Variants in PTPRQ observed in about 807,000 individuals in gnomAD.
PTPRQ encodes the protein phosphatidylinositol phosphatase PTPRQ.
PTPRQ carries 199 observed loss-of-function variants against 246.0 expected under a neutral mutation model. The ratio of observed to expected loss-of-function variants is 0.81; its 90% CI spans 0.72 to 0.91. PTPRQ has a LOEUF of 0.91. Ranked by LOEUF, PTPRQ falls within the 40% of genes least tolerant of loss-of-function variation. PTPRQ has a pLI of 0.00. For synonymous variants in PTPRQ, 869 were observed against 853.2 expected (o/e 1.02, Z -0.32); for missense variants, 2,624 against 2,528.4 (o/e 1.04, Z -0.81).
rs141926332 is a variant in PTPRQ, at chr12:80,523,176, G to A, written c.2679-10839G>A. ...AGAGGTGTTTATAGTGTTCTCTCAT[G>A]GTAGTTTGTATTTCTGTGGGATCGG... is the stretch of plus-strand genomic sequence containing the variant. On this transcript the variant is annotated intron_variant, in intron 17 of 44. Transcript: ENST00000644991. 8.2e-3 allele frequency among the ~76,000 whole-genome samples: 1,243 copies of A among 152,198 alleles called. 15 individuals carry two copies. The highest frequency in any genetic ancestry group is 0.029 in the African/African-American group (1,184 of 41,522).
chr12:80,679,070 G>A lies in PTPRQ; in HGVS notation c.*47G>A. The A allele has an allele frequency of 1.3e-6, 2 of 1,529,406 alleles. No individual in the cohort carries two copies. The highest frequency in any genetic ancestry group is 8.8e-7 in the Non-Finnish European group (1 of 1,138,218). 94.7% of individuals were successfully genotyped at this position (1,529,406 alleles called of 1,614,324 possible). A position where few individuals can be genotyped will look rare whatever the true frequency, so the allele number is the denominator to read the frequency against. On this transcript the variant is annotated 3_prime_UTR_variant, in exon 45 of 45. Coordinates refer to ENST00000644991, the MANE Select transcript of PTPRQ (RefSeq NM_001145026.2). ...ATTGGAAGAGATTTTTAAATCCCAG[G>A]GGCCAAAGTTACCCCCTCATTCTTC...
chr12:80,541,819 A>G lies in PTPRQ; in HGVS notation c.3419A>G (p.Gln1140Arg). The G allele has an allele frequency of 6.5e-7, 1 of 1,548,228 alleles. No individual in the cohort carries two copies. The highest frequency in any genetic ancestry group is 8.7e-7 in the Non-Finnish European group (1 of 1,145,588). The change falls in exon 21 of 45, where the codon CAG becomes CGG. Residue 1140 changes from glutamine (Q) to arginine (R), a missense_variant. Transcript: ENST00000644991. ...GGATTCTCTGATACCTATACTGCCC[A>G]GCTATACATCAAGACTGAAGAAGAT... ...EKGFSDTYTA[Q>R]LYIKTEEDVP...
intron 35 of PTPRQ, among the ~76,000 whole-genome samples, chr12:80,639,675 A>T (rs929266970): frequency 1.3e-5 from 2 of 152,196 alleles, no homozygotes; most frequent in African/African-American, 4.8e-5. Context: ...ATTACTGCTT[A>T]AAAAAATTCT....
At chr12:80,540,012 C>T in intron 20 of PTPRQ, 68 bp downstream of exon 20, 1 of 1,276,712 alleles carries the variant, frequency 7.8e-7, no homozygotes, top group Non-Finnish European at 1.0e-6. Flanking sequence ...GGAAATTTTA[C>T]TATTTGTTTG....
intron 8 of PTPRQ, among the ~76,000 whole-genome samples, chr12:80,477,801 C>G (rs142960015): frequency 2.6e-5 from 4 of 152,268 alleles, no homozygotes; most frequent in East Asian, 1.9e-4. Context: ...CACTCCGACC[C>G]GAATACTGCG....
intron 8 of PTPRQ, among the ~76,000 whole-genome samples, chr12:80,480,038 A>G (rs1371830049): frequency 1.3e-5 from 2 of 152,068 alleles, no homozygotes; most frequent in African/African-American, 4.8e-5. Context: ...AGACATCTAC[A>G]GAACTCTCCA....
At chr12:80,520,096 T>C (rs1447732192) in intron 17 of PTPRQ, among the ~76,000 whole-genome samples, 4 of 152,114 alleles carry the variant, frequency 2.6e-5, no homozygotes, top group Non-Finnish European at 5.9e-5. Flanking sequence ...TATAATTTGG[T>C]ATCTTATTGT....
Position 80,679,060 on chromosome 12 carries a change from T to A in PTPRQ, c.*37T>A. ...AAAGGATACAATTGGAAGAGATTTT[T>A]AAATCCCAGGGGCCAAAGTTACCCC... On this transcript the variant is annotated 3_prime_UTR_variant, in exon 45 of 45. Transcript: ENST00000644991. The A allele has an allele frequency of 1.3e-6, 2 of 1,535,934 alleles. No homozygotes were observed. Among genetic ancestry groups the A allele is most frequent in the Non-Finnish European group, 1.8e-6 (2 of 1,141,072 alleles).
Position 80,496,312 on chromosome 12 carries a change from A to G in PTPRQ, c.2053A>G (p.Lys685Glu), listed in dbSNP as rs764822457. ...IDVTADEIRL[K>E]WSPPEKPNGI... ...TGTTACCGCAGATGAAATAAGGTTGAAGTGGTCACCACCCGAAAAGCCCAA... is the reference window on the plus strand; with the variant it reads ...TGTTACCGCAGATGAAATAAGGTTGGAGTGGTCACCACCCGAAAAGCCCAA... The change falls in exon 14 of 45, where the codon AAG becomes GAG. Residue 685 changes from lysine to glutamate, a missense_variant. Transcript: ENST00000644991. 3.2e-6 allele frequency: 5 copies of G among 1,550,828 alleles called. No individual in the cohort carries two copies. The highest frequency in any genetic ancestry group is 2.4e-5 in the South Asian group (2 of 83,958).
At chr12:80,540,878 A>C (rs1367352662) in intron 20 of PTPRQ, among the ~76,000 whole-genome samples, 2 of 152,118 alleles carry the variant, frequency 1.3e-5, no homozygotes, top group African/African-American at 4.8e-5. Context: ...TTTATCACTT[A>C]TAATTTCCAC....
At chr12:80,486,792 A>G (rs941311277) in intron 9 of PTPRQ, among the ~76,000 whole-genome samples, 5 of 151,554 alleles carry the variant, frequency 3.3e-5, no homozygotes, top group African/African-American at 1.2e-4. Flanking sequence ...GTCACCAGTG[A>G]CCTCCCCAGT....
chr12:80,616,128 C>CAT lies in PTPRQ; in HGVS notation c.5164-58_5164-57dup, dbSNP rs146609467. On this transcript the variant is annotated intron_variant, in intron 29 of 44. Coordinates refer to ENST00000644991, the MANE Select transcript of PTPRQ (RefSeq NM_001145026.2). ...ATATACATACATATATAGATACATG[C>CAT]ATATATATATATATACACACACATA... The CAT allele has an allele frequency of 0.031, 28,798 of 915,420 alleles. 361 individuals carry two copies. Among genetic ancestry groups the CAT allele is most frequent in the African/African-American group, 0.11 (6,056 of 54,246 alleles). 56.7% of individuals were successfully genotyped at this position (915,420 alleles called of 1,614,324 possible). A position where few individuals can be genotyped will look rare whatever the true frequency, so the allele number is the denominator to read the frequency against.
At chr12:80,631,158 A>G (rs1257702187) in intron 33 of PTPRQ, among the ~76,000 whole-genome samples, 1 of 152,216 alleles carries the variant, frequency 6.6e-6, no homozygotes, top group Non-Finnish European at 1.5e-5. Flanking sequence ...AAAAGTATAC[A>G]TTTCAATTAT....
chr12:80,673,165 G>A lies in PTPRQ; in HGVS notation c.6603-4G>A. 1 of 1,550,200 alleles carries A rather than the reference G, an allele frequency of 6.5e-7. No homozygotes were observed. The highest frequency in any genetic ancestry group is 8.7e-7 in the Non-Finnish European group (1 of 1,145,968). On this transcript the variant is annotated splice_polypyrimidine_tract_variant and splice_region_variant and intron_variant, in intron 42 of 44. Transcript: ENST00000644991. The stretch of plus-strand genomic sequence containing the variant: ...AATTTTCATGTAATTTACCCTTCCT[G>A]TAGTGCTGGAGTTGGAAGAACTGGA...
At position 80,620,153 on chromosome 12, in the gene PTPRQ, G is replaced by T. The variant is rs886043240; in HGVS notation, c.5390-1G>T. 6.5e-7 allele frequency: 1 copy of T among 1,541,444 alleles called. No homozygotes were observed. The highest frequency in any genetic ancestry group is 8.8e-7 in the Non-Finnish European group (1 of 1,142,450). ...ATTGTTCTCTTTGTTTCTGAAAACA[G>T]CTCAGCATGATGGAAATGTAACAAA... is the stretch of plus-strand genomic sequence containing the variant. On this transcript the variant is annotated splice_acceptor_variant, in intron 31 of 44. Transcript: ENST00000644991. LOFTEE classifies it high-confidence loss of function.
At chr12:80,675,083 G>A (rs890407708) in intron 43 of PTPRQ, among the ~76,000 whole-genome samples, 9 of 152,120 alleles carry the variant, frequency 5.9e-5, no homozygotes, top group African/African-American at 2.2e-4. Flanking sequence ...CATATACTGA[G>A]TTAACAAATG....
chr12:80,573,238 C>T (rs1463190013), intron 25 of PTPRQ, among the ~76,000 whole-genome samples: 1 of 152,066 alleles, frequency 6.6e-6, no homozygotes, highest in Non-Finnish European at 1.5e-5. Context: ...GCCTGTAATC[C>T]CAGCTCTTTG....
intron 8 of PTPRQ, among the ~76,000 whole-genome samples, chr12:80,481,165 G>A (rs1894035781): frequency 6.6e-6 from 1 of 152,152 alleles, no homozygotes; most frequent in Admixed American, 6.5e-5. Flanking sequence ...ACATCAGAAA[G>A]CTTATCCACC....
At chr12:80,535,451 T>C (rs1434668417) in intron 19 of PTPRQ, among the ~76,000 whole-genome samples, 1 of 152,216 alleles carries the variant, frequency 6.6e-6, no homozygotes, top group Non-Finnish European at 1.5e-5. Flanking sequence ...TTCTAGTGTT[T>C]GGATGTGTTT....
Sources: gnomAD v4.1 joint callset for allele counts (sites outside exome capture counted in the v4.1 genomes callset) on GRCh38, gnomAD v4.1.1 for gene constraint, MANE v1.5 for transcripts, NCBI Gene and HGNC (gene_info 2026-07-23, HGNC 2026-07-21) for gene names.